The following SSBP2 variants were observed in gnomAD, a reference collection of about 807,000 sequenced individuals.
SSBP2 encodes the protein single-stranded DNA-binding protein 2.
A neutral mutation model predicts 61.8 loss-of-function variants in SSBP2; 17 were observed. That is an observed-to-expected ratio of 0.28 (90% CI 0.19 to 0.41). The LOEUF (loss-of-function observed/expected upper bound fraction) is 0.41, where lower values mean the gene tolerates loss of function less well. SSBP2 is among the 10% of genes least tolerant of loss of function. The pLI, the probability that SSBP2 is intolerant of heterozygous loss-of-function variation, is 1.00. For missense variants in SSBP2, 310 were observed against 458.7 expected (o/e 0.68, Z 2.96); for synonymous variants, 139 against 141.3 (o/e 0.98, Z 0.12).
chr5:81,571,497 A>G (rs571373066), intron 4 of SSBP2, among the ~76,000 whole-genome samples: 4 of 152,288 alleles, frequency 2.6e-5, no homozygotes, highest in Admixed American at 6.5e-5. Context: ...GTGTAGTACA[A>G]TATGTTCAAC....
chr5:81,515,630 T>C (rs1768955914), intron 4 of SSBP2, among the ~76,000 whole-genome samples: 1 of 151,946 alleles, frequency 6.6e-6, no homozygotes, highest in South Asian at 2.1e-4. Context: ...CAGGTAAGGA[T>C]GCTGGTAAAG....
At chr5:81,436,645 T>C (rs1762691902) in intron 15 of SSBP2, among the ~76,000 whole-genome samples, 1 of 152,176 alleles carries the variant, frequency 6.6e-6, no homozygotes. Flanking sequence ...CATCCCTTAA[T>C]GAATTTCTCT....
intron 1 of SSBP2, among the ~76,000 whole-genome samples, chr5:81,680,969 C>T (rs975305200): frequency 3.9e-5 from 6 of 152,120 alleles, no homozygotes; most frequent in African/African-American, 9.7e-5. Flanking sequence ...ACAGATCATA[C>T]ATTTTATTCA....
intron 4 of SSBP2, among the ~76,000 whole-genome samples, chr5:81,588,077 C>T (rs980006440): frequency 1.3e-5 from 2 of 152,096 alleles, no homozygotes. Context: ...ATGATTCTCC[C>T]ACCTCAGCCT....
chr5:81,467,666 T>C (rs1304649562), intron 8 of SSBP2, among the ~76,000 whole-genome samples: 1 of 152,036 alleles, frequency 6.6e-6, no homozygotes, highest in Non-Finnish European at 1.5e-5. Flanking sequence ...TTTAATGTTT[T>C]AACATGTACA....
intron 1 of SSBP2, among the ~76,000 whole-genome samples, chr5:81,686,520 G>C (rs1363718477): frequency 6.6e-6 from 1 of 152,076 alleles, no homozygotes; most frequent in African/African-American, 2.4e-5. Flanking sequence ...TAAAAAGCCA[G>C]TAATTATTGT....
At chr5:81,544,203 C>T (rs1771540476) in intron 4 of SSBP2, among the ~76,000 whole-genome samples, 2 of 152,160 alleles carry the variant, frequency 1.3e-5, no homozygotes, top group Non-Finnish European at 2.9e-5. Flanking sequence ...GCGATGCCAC[C>T]ACGCCCGGCT....
chr5:81,704,830 C>T (rs1280471810), intron 1 of SSBP2, among the ~76,000 whole-genome samples: 1 of 150,006 alleles, frequency 6.7e-6, no homozygotes, highest in Non-Finnish European at 1.5e-5. Flanking sequence ...AAATGCATTC[C>T]CTATTCACAT....
intron 4 of SSBP2, among the ~76,000 whole-genome samples, chr5:81,537,807 C>T (rs1580955456): frequency 6.6e-6 from 1 of 152,126 alleles, no homozygotes; most frequent in Non-Finnish European, 1.5e-5. Context: ...ATCTCTGTCC[C>T]TCTCCTCAGG....
upstream of SSBP2, chr5:81,751,622 C>T (rs531050574): frequency 8.1e-5 from 13 of 159,882 alleles, no homozygotes; most frequent in South Asian, 2.1e-3. Context: ...CCCCACCAGC[C>T]CCTCTCCCGC....
intron 4 of SSBP2, among the ~76,000 whole-genome samples, chr5:81,597,800 A>T (rs1436740311): frequency 2.0e-5 from 3 of 146,390 alleles, no homozygotes; most frequent in African/African-American, 7.5e-5. Flanking sequence ...TAGGTGGGAA[A>T]TGAACAATGA....
chr5:81,654,518 A>G (rs1334621836), intron 1 of SSBP2, among the ~76,000 whole-genome samples: 1 of 152,184 alleles, frequency 6.6e-6, no homozygotes, highest in Non-Finnish European at 1.5e-5. Context: ...GATTCTAAGG[A>G]CACTATCTCT....
Position 81,488,010 on chromosome 5 carries a change from A to AATATATATAT in SSBP2, c.432+1230_432+1239dup, listed in dbSNP as rs59039206. Among the ~76,000 whole-genome samples, 204 of 38,564 alleles carry AATATATATAT rather than the reference A, an allele frequency of 5.3e-3. 2 individuals are homozygous for AATATATATAT. Among genetic ancestry groups the AATATATATAT allele is most frequent in the South Asian group, 0.011 (9 of 790 alleles). The allele number at this position is 38,564 out of a possible 152,430, so 25.3% of individuals were successfully genotyped here. A position where few individuals can be genotyped will look rare whatever the true frequency, so the allele number is the denominator to read the frequency against. ...ATTTCCTTCTTGTTTATGGCCAAAT[A>AATATATATAT]ATATATATATATATATATATATATA... On this transcript the variant is annotated intron_variant, in intron 6 of 16. Coordinates refer to ENST00000320672, the MANE Select transcript of SSBP2 (RefSeq NM_012446.5).
At chr5:81,572,643 G>A (rs1773922162) in intron 4 of SSBP2, among the ~76,000 whole-genome samples, 1 of 152,142 alleles carries the variant, frequency 6.6e-6, no homozygotes, top group Admixed American at 6.5e-5. Context: ...GAGGTATATA[G>A]AAAAACCTTC....
At chr5:81,535,515 G>T (rs1039277348) in intron 4 of SSBP2, among the ~76,000 whole-genome samples, 2 of 151,996 alleles carry the variant, frequency 1.3e-5, no homozygotes, top group African/African-American at 4.8e-5. Context: ...TGACTATAAG[G>T]CAACAGTTAT....
At chr5:81,667,709 G>T (rs1161330521) in intron 1 of SSBP2, among the ~76,000 whole-genome samples, 1 of 152,122 alleles carries the variant, frequency 6.6e-6, no homozygotes, top group Non-Finnish European at 1.5e-5. Flanking sequence ...GTGGGTGAAA[G>T]ACTTGCCCAA....
At chr5:81,435,216 A>T (rs2153940680) in intron 15 of SSBP2, among the ~76,000 whole-genome samples, 1 of 152,344 alleles carries the variant, frequency 6.6e-6, no homozygotes, top group African/African-American at 2.4e-5. Flanking sequence ...ATTTTTATTT[A>T]TCCAATTCGT....
intron 5 of SSBP2, among the ~76,000 whole-genome samples, chr5:81,491,767 A>G (rs1049610343): frequency 2.6e-5 from 4 of 152,368 alleles, no homozygotes; most frequent in South Asian, 2.1e-4. Flanking sequence ...ACACAATTAA[A>G]GCACAAAAAG....
At chr5:81,746,413 G>A (rs1007706940) in intron 1 of SSBP2, among the ~76,000 whole-genome samples, 1 of 151,998 alleles carries the variant, frequency 6.6e-6, no homozygotes, top group Non-Finnish European at 1.5e-5. Context: ...TGAATTGTGC[G>A]AATTGCTGTC....
Sources: allele counts gnomAD v4.1 joint callset (sites outside exome capture counted in the v4.1 genomes callset), GRCh38; gene constraint gnomAD v4.1.1; transcripts MANE v1.5; gene names NCBI Gene and HGNC (gene_info 2026-07-23, HGNC 2026-07-21).